Variants in TEX101 observed in about 807,000 individuals in gnomAD.
The protein encoded by TEX101 is testis-expressed protein 101.
TEX101 carries 10 observed loss-of-function variants against 18.1 expected under a neutral mutation model. The ratio of observed to expected loss-of-function variants is 0.55; its 90% CI spans 0.34 to 0.94. The LOEUF is 0.94. Ranked by LOEUF, TEX101 falls within the 40% of genes least tolerant of loss-of-function variation. The pLI is 0.02. For synonymous variants in TEX101, 94 were observed against 114.8 expected (o/e 0.82, Z 1.16); for missense variants, 259 against 298.9 (o/e 0.87, Z 0.98).
chr19:43,416,296 T>G, intron 3 of TEX101, 54 bp downstream of exon 3: 1 of 1,586,086 alleles, frequency 6.3e-7, no homozygotes, highest in Non-Finnish European at 8.6e-7. Context: ...ATTATCTCCA[T>G]GCCAATGCTT....
the TEX101 span, among the ~76,000 whole-genome samples, chr19:43,389,992 C>G: frequency 6.6e-6 from 1 of 152,164 alleles, no homozygotes; most frequent in Non-Finnish European, 1.5e-5. Flanking sequence ...TTTCAGGCCT[C>G]CTCCGGCCAT....
At chr19:43,417,680 A>G (rs1383514373) in intron 4 of TEX101, among the ~76,000 whole-genome samples, 198 bp from the exon 5 acceptor site, 3 of 152,160 alleles carry the variant, frequency 2.0e-5, no homozygotes, top group Admixed American at 6.5e-5. Flanking sequence ...GTATCTTCAC[A>G]CCTCAGCAGA....
intron 3 of TEX101, among the ~76,000 whole-genome samples, chr19:43,409,881 A>C (rs1234533073): frequency 6.6e-6 from 1 of 152,166 alleles, no homozygotes; most frequent in Admixed American, 6.5e-5. Flanking sequence ...TTGGGGTTTA[A>C]TAGTAAAATA....
At chr19:43,391,929 C>G in the TEX101 span, among the ~76,000 whole-genome samples, 14 of 152,156 alleles carry the variant, frequency 9.2e-5, no homozygotes, top group African/African-American at 3.4e-4. Flanking sequence ...GCTGCAGCAC[C>G]CCCAGTCTGG....
At position 43,416,694 on chromosome 19, in the gene TEX101, T is replaced by G. The variant is rs1970483546; in HGVS notation, c.391+139T>G. The G allele has an allele frequency of 8.5e-6, 7 of 820,476 alleles. No homozygotes were observed. The South Asian group carries it at 8.9e-5, about 10-fold the overall frequency. The allele number at this position is 820,476 out of a possible 1,614,324, so 50.8% of individuals were successfully genotyped here. ...CCTCACAGTTCAAGTAATTTTATGT[T>G]TCTGAATTGTTCATTGGGATCTAAA... is the stretch of plus-strand genomic sequence containing the variant. On this transcript the variant is annotated intron_variant, in intron 4 of 5. Coordinates refer to ENST00000598265, the MANE Select transcript of TEX101 (RefSeq NM_001130011.3).
At chr19:43,397,592 C>T (rs1203643060), upstream of TEX101, among the ~76,000 whole-genome samples, 1 of 150,590 alleles carries the variant, frequency 6.6e-6, no homozygotes, top group African/African-American at 2.4e-5. Context: ...TTTTCTGAAC[C>T]ATGTCAGGGT....
At chr19:43,394,311 T>G in the TEX101 span, among the ~76,000 whole-genome samples, 11 of 152,086 alleles carry the variant, frequency 7.2e-5, no homozygotes, top group African/African-American at 2.4e-4. Flanking sequence ...CAACTTGAGA[T>G]GTAAGCAGAT....
intron 2 of TEX101, among the ~76,000 whole-genome samples, chr19:43,403,931 C>T (rs868101432): frequency 2.5e-4 from 38 of 151,618 alleles, no homozygotes; most frequent in African/African-American, 8.5e-4. Context: ...CCCAGCTACT[C>T]GGGAGGCTGA....
At chr19:43,405,869 C>T (rs1568455920) in intron 2 of TEX101, among the ~76,000 whole-genome samples, 2 of 151,828 alleles carry the variant, frequency 1.3e-5, no homozygotes, top group Non-Finnish European at 2.9e-5. Flanking sequence ...GAGCTGAGAT[C>T]GTGCCAGTGC....
At chr19:43,394,606 G>A in the TEX101 span, among the ~76,000 whole-genome samples, 1 of 151,984 alleles carries the variant, frequency 6.6e-6, no homozygotes, top group Non-Finnish European at 1.5e-5. Flanking sequence ...GAGTAGCTGG[G>A]ACTACAAGCA....
the TEX101 span, among the ~76,000 whole-genome samples, chr19:43,388,838 G>T: frequency 1.3e-5 from 2 of 152,094 alleles, no homozygotes; most frequent in Non-Finnish European, 2.9e-5. Context: ...GATGTGAGGG[G>T]GGTTTCTGGG....
chr19:43,406,648 C>T lies in TEX101; in HGVS notation c.15+129C>T, dbSNP rs536538632. Reference sequence around the variant, plus strand: ...TGGCGCCAAGCCTTAGCCAAGCTCACCAGGGGCAGCGCTAGATGGGGAGAC... The same window carrying T: ...TGGCGCCAAGCCTTAGCCAAGCTCATCAGGGGCAGCGCTAGATGGGGAGAC... On this transcript the variant is annotated intron_variant, in intron 3 of 7. Transcript: ENST00000602198. The T allele has an allele frequency of 6.9e-6, 4 of 580,002 alleles. No individual in the cohort carries two copies. The South Asian group carries it at 8.4e-5, about 12-fold the overall frequency. The allele number at this position is 580,002 out of a possible 1,614,324, so 35.9% of individuals were successfully genotyped here.
chr19:43,404,674 C>A (rs79800444), intron 2 of TEX101, among the ~76,000 whole-genome samples: 4,379 of 151,054 alleles, frequency 0.029, 207 homozygotes, highest in African/African-American at 0.1. Context: ...TATGTGTGTG[C>A]GTGTATCCTA....
intron 2 of TEX101, among the ~76,000 whole-genome samples, chr19:43,403,618 C>G (rs1322461656): frequency 2.0e-5 from 3 of 151,252 alleles, no homozygotes. Context: ...ATATTATTAG[C>G]CTTTAACCCT....
At chr19:43,413,081 A>G (rs576174576), upstream of TEX101, among the ~76,000 whole-genome samples, 1 of 152,224 alleles carries the variant, frequency 6.6e-6, no homozygotes, top group Admixed American at 6.5e-5. Flanking sequence ...AGTTCCAGAC[A>G]TTATATGAAA....
chr19:43,403,894 C>T (rs1208326822), intron 2 of TEX101, among the ~76,000 whole-genome samples: 1 of 151,838 alleles, frequency 6.6e-6, no homozygotes, highest in African/African-American at 2.4e-5. Context: ...AAAAAATTAG[C>T]CGGGCATGGT....
In TEX101 at chr19:43,418,190, G is replaced by C; in HGVS notation, c.543G>C (p.Glu181Asp). ...ITGGGIESSV[E>D]VKGCTAMIGC... ...TAGGTGGCATTGAGTCGTCTGTGGA[G>C]GTCAAAGGCTGTACAGCCATGATTG... The change falls in exon 6 of 6, where the codon GAG becomes GAC. Residue 181 changes from glutamate to aspartate, a missense_variant. Transcript: ENST00000598265. The C allele has an allele frequency of 1.2e-6, 2 of 1,614,170 alleles. No homozygotes were observed. The highest frequency in any genetic ancestry group is 1.6e-4 in the Middle Eastern group (1 of 6,062).
the TEX101 span, among the ~76,000 whole-genome samples, chr19:43,395,566 A>AC: frequency 1.3e-5 from 2 of 152,188 alleles, no homozygotes; most frequent in Admixed American, 6.5e-5. Flanking sequence ...TGATACTGAG[A>AC]CCCCAAAATG....
the TEX101 span, among the ~76,000 whole-genome samples, chr19:43,395,361 G>T: frequency 3.3e-5 from 5 of 152,196 alleles, no homozygotes; most frequent in African/African-American, 1.2e-4. Context: ...CAAATGTGGC[G>T]AATTTTGGGG....
Sources: allele counts gnomAD v4.1 joint callset (sites outside exome capture counted in the v4.1 genomes callset), GRCh38; gene constraint gnomAD v4.1.1; transcripts MANE v1.5; gene names NCBI Gene and HGNC (gene_info 2026-07-23, HGNC 2026-07-21).